The following PCDH15 variants were observed in gnomAD, a reference collection of about 807,000 sequenced individuals.
The protein encoded by PCDH15 is protocadherin-15.
Under a neutral mutation model 178.5 loss-of-function variants are expected in PCDH15, and 129 were observed. That is an observed-to-expected ratio of 0.72 (90% CI 0.63 to 0.84). The LOEUF (loss-of-function observed/expected upper bound fraction) is 0.84, where lower values mean the gene tolerates loss of function less well. PCDH15 is among the 40% of genes least tolerant of loss of function. The probability of loss-of-function intolerance (pLI) is 0.00; values close to 1 mark genes in which losing one functional copy is unlikely to be tolerated. For missense variants in PCDH15, 2,230 were observed against 2,099.9 expected (o/e 1.06, Z -1.21); for synonymous variants, 800 against 732.0 (o/e 1.09, Z -1.50).
At chr10:54,772,770 T>C (rs958963853) in intron 1 of PCDH15, among the ~76,000 whole-genome samples, 3 of 152,094 alleles carry the variant, frequency 2.0e-5, no homozygotes, top group African/African-American at 7.2e-5. Context: ...ACTGGGTATA[T>C]ACCCAAAGGA....
chr10:54,418,488 AATCTACTCTT>A (rs983275517), intron 3 of PCDH15, among the ~76,000 whole-genome samples: 125 of 152,174 alleles, frequency 8.2e-4, no homozygotes, highest in African/African-American at 2.9e-3. Flanking sequence ...CATTCACTCT[AATCTACTCTT>A]ATCTAAAATT....
chr10:54,442,438 A>AT (rs2075872618), intron 3 of PCDH15, among the ~76,000 whole-genome samples: 2 of 119,212 alleles, frequency 1.7e-5, no homozygotes, highest in Admixed American at 1.6e-4. Flanking sequence ...ATATATATAT[A>AT]TATATATATA....
chr10:54,313,697 T>G (rs117454433), intron 8 of PCDH15, among the ~76,000 whole-genome samples: 2,466 of 152,256 alleles, frequency 0.016, 32 homozygotes, highest in Non-Finnish European at 0.028. Flanking sequence ...TTAATATTTG[T>G]GCAGAGCTTA....
chr10:54,608,872 A>G (rs1057499336), intron 2 of PCDH15, among the ~76,000 whole-genome samples: 2 of 152,118 alleles, frequency 1.3e-5, no homozygotes, highest in African/African-American at 2.4e-5. Flanking sequence ...AGAAATTTTA[A>G]GAGTCAATAA....
chr10:55,472,468 T>A (rs1170051942), intron 2 of PCDH15, among the ~76,000 whole-genome samples: 17 of 13,690 alleles, frequency 1.2e-3, no homozygotes, highest in African/African-American at 1.6e-3. Context: ...GAATTAGCTT[T>A]TTTTTTTTTT....
chr10:55,376,862 A>T (rs576936406), intron 2 of PCDH15, among the ~76,000 whole-genome samples: 6 of 152,188 alleles, frequency 3.9e-5, no homozygotes, highest in African/African-American at 1.2e-4. Context: ...AAGCAGGTCA[A>T]AATGTAGTAT....
chr10:54,720,784 CAAT>C (rs1237431841), intron 1 of PCDH15, among the ~76,000 whole-genome samples: 2 of 151,946 alleles, frequency 1.3e-5, no homozygotes, highest in African/African-American at 4.8e-5. Flanking sequence ...GACAGTTATA[CAAT>C]AATAGTGGAG....
At chr10:55,256,031 A>G (rs1476958689) in intron 1 of PCDH15, among the ~76,000 whole-genome samples, 1 of 152,092 alleles carries the variant, frequency 6.6e-6, no homozygotes, top group Admixed American at 6.5e-5. Flanking sequence ...GCCCATGCCT[A>G]TGTCCTGAAT....
At chr10:54,295,359 G>A (rs972753432) in intron 8 of PCDH15, among the ~76,000 whole-genome samples, 1 of 152,284 alleles carries the variant, frequency 6.6e-6, no homozygotes, top group South Asian at 2.1e-4. Context: ...GGATGTGGGC[G>A]GGGCCAAATA....
At chr10:55,448,490 A>C (rs1839365592) in intron 2 of PCDH15, among the ~76,000 whole-genome samples, 1 of 152,036 alleles carries the variant, frequency 6.6e-6, no homozygotes, top group Non-Finnish European at 1.5e-5. Flanking sequence ...GGGGCCCGTG[A>C]ATAATTACTG....
intron 23 of PCDH15, among the ~76,000 whole-genome samples, chr10:53,946,723 T>C (rs528518959): frequency 1.3e-5 from 2 of 152,338 alleles, no homozygotes; most frequent in African/African-American, 2.4e-5. Flanking sequence ...GCTTTGGAAT[T>C]CGCATGCACA....
chr10:54,018,268 T>C (rs2092806222), intron 20 of PCDH15, among the ~76,000 whole-genome samples: 1 of 152,136 alleles, frequency 6.6e-6, no homozygotes, highest in Non-Finnish European at 1.5e-5. Flanking sequence ...GCTATTGTAG[T>C]ACTGGCCACT....
intron 29 of PCDH15, among the ~76,000 whole-genome samples, chr10:53,834,298 TTC>T (rs1448973208): frequency 2.6e-5 from 4 of 151,958 alleles, no homozygotes; most frequent in African/African-American, 9.7e-5. Flanking sequence ...ATCCATACCA[TTC>T]TGTTTTCTAC....
At position 54,457,352 on chromosome 10, in the gene PCDH15, T is replaced by G. The variant is rs570985895; in HGVS notation, c.157+70460A>C. Among the ~76,000 whole-genome samples, 8 of 152,270 alleles carry G rather than the reference T, an allele frequency of 5.3e-5. No individual in the cohort carries two copies. In the East Asian group the frequency reaches 1.5e-3, roughly 29 times the overall value. ...AGGAAGATTAAAACCCATAATGTAA[T>G]GTACTGTTTGACAGCCAAAGACTTT... On this transcript the variant is annotated intron_variant, in intron 3 of 37. Transcript: ENST00000644397.
At chr10:54,240,833 G>A (rs924414140) in intron 8 of PCDH15, among the ~76,000 whole-genome samples, 1 of 151,642 alleles carries the variant, frequency 6.6e-6, no homozygotes, top group African/African-American at 2.4e-5. Flanking sequence ...GGGTTTCACC[G>A]TGTTGGCCAG....
chr10:55,495,640 G>A (rs1444474375), intron 2 of PCDH15, among the ~76,000 whole-genome samples: 1 of 151,694 alleles, frequency 6.6e-6, no homozygotes, highest in Non-Finnish European at 1.5e-5. Flanking sequence ...TGCCTTATTG[G>A]TGGGAATGTA....
chr10:54,300,992 C>G (rs1409821648), intron 8 of PCDH15, among the ~76,000 whole-genome samples: 1 of 152,140 alleles, frequency 6.6e-6, no homozygotes, highest in African/African-American at 2.4e-5. Flanking sequence ...TCTGTACCAC[C>G]TTTAAGAGCT....
At chr10:55,539,129 T>C (rs183357560) in intron 2 of PCDH15, among the ~76,000 whole-genome samples, 230 of 151,606 alleles carry the variant, frequency 1.5e-3, no homozygotes, top group African/African-American at 5.3e-3. Flanking sequence ...GTGTGTACTA[T>C]TATTTCCCCT....
At chr10:54,542,809 T>G (rs1469299130) in intron 2 of PCDH15, among the ~76,000 whole-genome samples, 1 of 152,044 alleles carries the variant, frequency 6.6e-6, no homozygotes, top group Non-Finnish European at 1.5e-5. Flanking sequence ...GCTCCATAGG[T>G]GAAGACTGGC....
Sources: gnomAD v4.1 joint callset for allele counts (sites outside exome capture counted in the v4.1 genomes callset) on GRCh38, gnomAD v4.1.1 for gene constraint, MANE v1.5 for transcripts, NCBI Gene and HGNC (gene_info 2026-07-23, HGNC 2026-07-21) for gene names.